Variants in DCLK1 observed in about 807,000 individuals in gnomAD.
DCLK1 encodes doublecortin like kinase 1, also known as serine/threonine-protein kinase DCLK1.
Under a neutral mutation model 86.2 loss-of-function variants are expected in DCLK1, and 16 were observed. That is an observed-to-expected ratio of 0.19 (90% CI 0.13 to 0.28). DCLK1 has a LOEUF of 0.28. Ranked by LOEUF, DCLK1 falls within the 10% of genes least tolerant of loss-of-function variation. DCLK1 has a pLI of 1.00. For missense variants in DCLK1, 590 were observed against 940.2 expected (o/e 0.63, Z 4.87); for synonymous variants, 369 against 370.5 (o/e 1.00, Z 0.05).
At chr13:36,016,997 G>A (rs1881560786) in intron 3 of DCLK1, among the ~76,000 whole-genome samples, 1 of 152,164 alleles carries the variant, frequency 6.6e-6, no homozygotes, top group Non-Finnish European at 1.5e-5. Flanking sequence ...CCAACCAAAT[G>A]AGAAAGGTTG....
At chr13:36,025,879 C>A (rs1476023081) in intron 3 of DCLK1, among the ~76,000 whole-genome samples, 1 of 151,604 alleles carries the variant, frequency 6.6e-6, no homozygotes, top group African/African-American at 2.4e-5. Flanking sequence ...TACAGCAACA[C>A]AGAGGTAAAT....
Position 35,774,253 on chromosome 13 carries a change from C to T in DCLK1, c.*282G>A, listed in dbSNP as rs1408196591. 2.5e-5 allele frequency: 9 copies of T among 353,498 alleles called. No individual in the cohort carries two copies. In the Admixed American group the frequency reaches 3.6e-4, roughly 14 times the overall value. The allele number at this position is 353,498 out of a possible 1,614,324, so 21.9% of individuals were successfully genotyped here. ...TTACATACTGCAGATCCTAGCTTGACTGATGAAAACATTCATTGCTTCTAA... is the reference window on the plus strand; with the variant it reads ...TTACATACTGCAGATCCTAGCTTGATTGATGAAAACATTCATTGCTTCTAA... On this transcript the variant is annotated 3_prime_UTR_variant, in exon 17 of 17. Transcript: ENST00000360631.
chr13:36,050,448 A>G (rs1240689711), intron 3 of DCLK1, among the ~76,000 whole-genome samples: 1 of 152,148 alleles, frequency 6.6e-6, no homozygotes, highest in Non-Finnish European at 1.5e-5. Flanking sequence ...TGTAGCTGAA[A>G]TTAAATTCAA....
chr13:36,002,577 T>C (rs1880767506), intron 3 of DCLK1, among the ~76,000 whole-genome samples: 1 of 152,174 alleles, frequency 6.6e-6, no homozygotes, highest in Non-Finnish European at 1.5e-5. Context: ...AAAATTGAAG[T>C]ATAGTTTTAT....
At chr13:35,958,168 C>T (rs796988928) in intron 3 of DCLK1, among the ~76,000 whole-genome samples, 13 of 53,668 alleles carry the variant, frequency 2.4e-4, no homozygotes, top group African/African-American at 2.1e-3. Context: ...ACCATCACCA[C>T]CATCACCACT....
intron 4 of DCLK1, among the ~76,000 whole-genome samples, chr13:35,937,268 C>G (rs564252319): frequency 1.3e-4 from 19 of 151,994 alleles, no homozygotes; most frequent in African/African-American, 4.1e-4. Context: ...CCACCGCACC[C>G]GGTCCCAGAA....
In DCLK1 at chr13:36,125,748, C is replaced by T; in HGVS notation, c.376+14G>A. On this transcript the variant is annotated intron_variant, in intron 2 of 16. Coordinates refer to ENST00000360631, the MANE Select transcript of DCLK1 (RefSeq NM_001330071.2). Reference sequence around the variant, plus strand: ...ACCTGTAGGGTCACGTGGGGGTTATCTCACAGCGCTCACCTTCCACCAGTT... The same window carrying T: ...ACCTGTAGGGTCACGTGGGGGTTATTTCACAGCGCTCACCTTCCACCAGTT... The T allele has an allele frequency of 6.2e-7, 1 of 1,605,456 alleles. No individual in the cohort carries two copies. The highest frequency in any genetic ancestry group is 8.5e-7 in the Non-Finnish European group (1 of 1,174,824).
chr13:35,985,878 A>G (rs955558931), intron 3 of DCLK1, among the ~76,000 whole-genome samples: 1 of 152,220 alleles, frequency 6.6e-6, no homozygotes, highest in Admixed American at 6.5e-5. Context: ...TAGATATTTT[A>G]TCAGGAAGAA....
chr13:35,816,761 A>G (rs536397521), intron 11 of DCLK1, among the ~76,000 whole-genome samples: 2 of 152,326 alleles, frequency 1.3e-5, no homozygotes, highest in Admixed American at 1.3e-4. Flanking sequence ...TTGTGCCACT[A>G]TTTAATTCAT....
intron 4 of DCLK1, among the ~76,000 whole-genome samples, chr13:35,936,475 G>C (rs1192172461): frequency 2.0e-5 from 3 of 152,170 alleles, no homozygotes; most frequent in Non-Finnish European, 4.4e-5. Context: ...TAAGTTACTA[G>C]ACAGAAAGCA....
intron 2 of DCLK1, among the ~76,000 whole-genome samples, chr13:36,115,572 T>C (rs1157899672): frequency 3.3e-5 from 5 of 152,128 alleles, no homozygotes; most frequent in Non-Finnish European, 4.4e-5. Context: ...AAGGATTCTA[T>C]GATAAGTCTG....
intron 3 of DCLK1, among the ~76,000 whole-genome samples, chr13:35,958,175 C>CACCATTACT: frequency 6.8e-6 from 1 of 147,074 alleles, no homozygotes; most frequent in Non-Finnish European, 1.5e-5. Flanking sequence ...CCACCATCAC[C>CACCATTACT]ACTATAACCA....
chr13:36,076,685 G>A (rs557403185), intron 3 of DCLK1, among the ~76,000 whole-genome samples: 83 of 152,256 alleles, frequency 5.5e-4, no homozygotes, highest in Admixed American at 2.8e-3. Flanking sequence ...GCACAGTGCC[G>A]TTCCTGATGC....
At chr13:35,832,457 T>C (rs1403733850) in intron 8 of DCLK1, among the ~76,000 whole-genome samples, 1 of 152,214 alleles carries the variant, frequency 6.6e-6, no homozygotes, top group African/African-American at 2.4e-5. Flanking sequence ...TCCCATAGCA[T>C]TCATTGAATT....
Position 35,808,432 on chromosome 13 carries a change from A to G in DCLK1, c.1767-112T>C, listed in dbSNP as rs2087073994. 3 of 904,476 alleles carry G rather than the reference A, an allele frequency of 3.3e-6. No homozygotes were observed. In the East Asian group the frequency reaches 7.3e-5, roughly 22 times the overall value. The allele number at this position is 904,476 out of a possible 1,614,324, so 56.0% of individuals were successfully genotyped here. A position where few individuals can be genotyped will look rare whatever the true frequency, so the allele number is the denominator to read the frequency against. ...CCTTTCCCCCCATAAATGTGTAAAA[A>G]TGTGTATTTTTAATCGATTGAAAAA... On this transcript the variant is annotated intron_variant, in intron 13 of 16. Coordinates refer to ENST00000360631, the MANE Select transcript of DCLK1 (RefSeq NM_001330071.2).
chr13:35,979,520 C>G (rs576591590), intron 3 of DCLK1, among the ~76,000 whole-genome samples: 2 of 152,190 alleles, frequency 1.3e-5, no homozygotes, highest in Admixed American at 6.5e-5. Context: ...AAGGCCCACT[C>G]GTTTCTCACT....
chr13:35,826,709 ATCG>A (rs1397229113), intron 10 of DCLK1, among the ~76,000 whole-genome samples: 2 of 152,072 alleles, frequency 1.3e-5, no homozygotes, highest in Non-Finnish European at 2.9e-5. Flanking sequence ...TTTTCATATC[ATCG>A]CAGATTAGCT....
At chr13:35,902,896 C>T (rs545240744) in intron 4 of DCLK1, among the ~76,000 whole-genome samples, 36 of 152,248 alleles carry the variant, frequency 2.4e-4, no homozygotes, top group African/African-American at 8.2e-4. Flanking sequence ...CTTTTCAAGA[C>T]ACTGCTAGGA....
intron 4 of DCLK1, among the ~76,000 whole-genome samples, chr13:35,920,804 C>T (rs968558370): frequency 4.6e-5 from 7 of 152,042 alleles, no homozygotes; most frequent in Admixed American, 2.0e-4. Flanking sequence ...TACACAGCTG[C>T]GTGTATCTCC....
Sources: allele counts gnomAD v4.1 joint callset (sites outside exome capture counted in the v4.1 genomes callset), GRCh38; gene constraint gnomAD v4.1.1; transcripts MANE v1.5; gene names NCBI Gene and HGNC (gene_info 2026-07-23, HGNC 2026-07-21).